Variants in PLAG1 observed in about 807,000 individuals in gnomAD.
PLAG1 encodes PLAG1 zinc finger.
A neutral mutation model predicts 35.5 loss-of-function variants in PLAG1; 7 were observed. The ratio of observed to expected loss-of-function variants is 0.20; its 90% confidence interval spans 0.11 to 0.37. The LOEUF (loss-of-function observed/expected upper bound fraction) is 0.37. PLAG1 is among the 10% of genes least tolerant of loss of function. PLAG1 has a pLI of 1.00. For missense variants in PLAG1, 454 were observed against 602.8 expected, an observed-to-expected ratio of 0.75 and a Z score of 2.58; for synonymous variants, 229 against 225.4, an observed-to-expected ratio of 1.02 and a Z score of -0.14.
At chr8:56,198,702 G>A (rs962897834) in intron 1 of PLAG1, among the ~76,000 whole-genome samples, 2 of 152,080 alleles carry the variant, frequency 1.3e-5, no homozygotes, top group Non-Finnish European at 2.9e-5. Flanking sequence ...CATCATTCAG[G>A]CCTCTATACA....
In PLAG1 at chr8:56,163,219, T is replaced by TC. The variant is rs2129223392; in HGVS notation, c.*3023_*3024insG. 1 of 179,018 alleles carries TC rather than the reference T, an allele frequency of 5.6e-6. No individual in the cohort carries two copies. Among genetic ancestry groups the TC allele is most frequent in the East Asian group, 9.4e-5 (1 of 10,642 alleles). 11.1% of individuals were successfully genotyped at this position (179,018 alleles called of 1,614,324 possible). ...TATTTAATGTTAATCCCTTTTTTTTTTTTTTTTTTTTTTTTTTAACCAAGC... is the reference window on the plus strand; with the variant it reads ...TATTTAATGTTAATCCCTTTTTTTTTCTTTTTTTTTTTTTTTTTAACCAAGC... On this transcript the variant is annotated 3_prime_UTR_variant, in exon 5 of 5. Coordinates refer to ENST00000316981, the MANE Select transcript of PLAG1 (RefSeq NM_002655.3).
chr8:56,198,103 T>C (rs1195973230), intron 1 of PLAG1, among the ~76,000 whole-genome samples: 1 of 152,180 alleles, frequency 6.6e-6, no homozygotes, highest in Non-Finnish European at 1.5e-5. Context: ...GGGCTTCCTC[T>C]AGCTTCCCTT....
rs559210549 is a variant in PLAG1, at chr8:56,167,847, A to G, written c.242+181T>C. Among the ~76,000 whole-genome samples the G allele has an allele frequency of 2.1e-4, 32 of 152,372 alleles. No homozygotes were observed. The highest frequency in any genetic ancestry group is 7.5e-4 in the African/African-American group (31 of 41,594). On this transcript the variant is annotated intron_variant, in intron 4 of 4. Coordinates refer to ENST00000316981, the MANE Select transcript of PLAG1 (RefSeq NM_002655.3). This position sits in a 1 kb window ranked among gnomAD's most constrained non-coding sequence, Gnocchi z 5.9. ...GCATTTTATTTTAAAAAGTCCAAAGACACTAACACATAAAAGTATGTGATT... is the reference window on the plus strand; with the variant it reads ...GCATTTTATTTTAAAAAGTCCAAAGGCACTAACACATAAAAGTATGTGATT...
intron 1 of PLAG1, among the ~76,000 whole-genome samples, chr8:56,198,059 T>C (rs1812436194): frequency 6.6e-6 from 1 of 152,190 alleles, no homozygotes; most frequent in Admixed American, 6.5e-5. Context: ...CTGGAATGGA[T>C]GGCCCGCATC....
At chr8:56,201,237 G>A (rs1470567267) in intron 1 of PLAG1, among the ~76,000 whole-genome samples, 1 of 152,134 alleles carries the variant, frequency 6.6e-6, no homozygotes, top group African/African-American at 2.4e-5. Flanking sequence ...ACCAAGCTAA[G>A]CAATATTTTC....
rs935582753 is a variant in PLAG1, at chr8:56,161,142, T to A, written c.*5101A>T. The A allele has an allele frequency of 5.3e-6, 1 of 190,206 alleles. No individual in the cohort carries two copies. Among genetic ancestry groups the A allele is most frequent in the African/African-American group, 2.3e-5 (1 of 42,872 alleles). 11.8% of individuals were successfully genotyped at this position (190,206 alleles called of 1,614,324 possible). A position where few individuals can be genotyped will look rare whatever the true frequency, so the allele number is the denominator to read the frequency against. ...TGTGATTGCTATTTTACAGAGCTTA[T>A]ACACACACAAAAAATATGATCTTTG... On this transcript the variant is annotated 3_prime_UTR_variant, in exon 5 of 5. Transcript: ENST00000316981.
chr8:56,162,812 T>G lies in PLAG1; in HGVS notation c.*3431A>C, dbSNP rs1396426667. 1 of 214,840 alleles carries G rather than the reference T, an allele frequency of 4.7e-6. No homozygotes were observed. Among genetic ancestry groups the G allele is most frequent in the Non-Finnish European group, 9.4e-6 (1 of 106,124 alleles). 13.3% of individuals were successfully genotyped at this position (214,840 alleles called of 1,614,324 possible). On this transcript the variant is annotated 3_prime_UTR_variant, in exon 5 of 5. Transcript: ENST00000316981. ...GTATATGGTTTTTAAAAACCGCTAC[T>G]GTCCAAATTAACACAATATATCACT... is the stretch of plus-strand genomic sequence containing the variant.
At position 56,161,814 on chromosome 8, in the gene PLAG1, T is replaced by C. The variant is rs2129222993; in HGVS notation, c.*4429A>G. 4.4e-6 allele frequency: 1 copy of C among 229,866 alleles called. No homozygotes were observed. Among genetic ancestry groups the C allele is most frequent in the East Asian group, 6.2e-5 (1 of 16,116 alleles). 14.2% of individuals were successfully genotyped at this position (229,866 alleles called of 1,614,324 possible). On this transcript the variant is annotated 3_prime_UTR_variant, in exon 5 of 5. Transcript: ENST00000316981. ...AAGTTACATTAGCAGCATGATCCAA[T>C]ATAATATTGAAGGAGTGTTTCTGAG... is the stretch of plus-strand genomic sequence containing the variant.
intron 1 of PLAG1, among the ~76,000 whole-genome samples, chr8:56,198,557 G>A (rs1812451100): frequency 6.6e-6 from 1 of 152,192 alleles, no homozygotes; most frequent in African/African-American, 2.4e-5. Context: ...GACGTTACAA[G>A]ACAGTCCAGC....
In PLAG1 at chr8:56,197,855, G is replaced by A. The variant is rs550574732; in HGVS notation, c.-322+13266C>T. ...CAGGAGGTCTGTCTGTACTTGTTGCGCAGGGCTTAGCTATGGAGGGAGCAG... is the reference window on the plus strand; with the variant it reads ...CAGGAGGTCTGTCTGTACTTGTTGCACAGGGCTTAGCTATGGAGGGAGCAG... On this transcript the variant is annotated intron_variant, in intron 1 of 4. Coordinates refer to ENST00000316981, the MANE Select transcript of PLAG1 (RefSeq NM_002655.3). 7.2e-5 allele frequency among the ~76,000 whole-genome samples: 11 copies of A among 152,292 alleles called. No homozygotes were observed. In the South Asian group the frequency reaches 1.7e-3, roughly 23 times the overall value.
chr8:56,208,275 C>T (rs1187505071), intron 1 of PLAG1, among the ~76,000 whole-genome samples: 1 of 152,130 alleles, frequency 6.6e-6, no homozygotes, highest in East Asian at 1.9e-4. Flanking sequence ...TCTGAAACCT[C>T]TGGACAGAAG....
Position 56,161,948 on chromosome 8 carries a change from G to A in PLAG1, c.*4295C>T, listed in dbSNP as rs1811213374. ...ATTTCTAGGCTAGATAACATCAAAA[G>A]ACACTGCCTTCCATCCTCAGAGGGT... On this transcript the variant is annotated 3_prime_UTR_variant, in exon 5 of 5. Coordinates refer to ENST00000316981, the MANE Select transcript of PLAG1 (RefSeq NM_002655.3). The A allele has an allele frequency of 2.6e-5, 6 of 227,674 alleles. No individual in the cohort carries two copies. Among genetic ancestry groups the A allele is most frequent in the Non-Finnish European group, 4.4e-5 (5 of 114,124 alleles). 14.1% of individuals were successfully genotyped at this position (227,674 alleles called of 1,614,324 possible).
chr8:56,195,911 C>T (rs1447070864), intron 1 of PLAG1, among the ~76,000 whole-genome samples: 1 of 152,144 alleles, frequency 6.6e-6, no homozygotes, highest in Non-Finnish European at 1.5e-5. Context: ...CTCCCAAGTG[C>T]CTGCTGTGTG....
chr8:56,204,831 C>G (rs1454952342), intron 1 of PLAG1, among the ~76,000 whole-genome samples: 1 of 151,842 alleles, frequency 6.6e-6, no homozygotes, highest in Non-Finnish European at 1.5e-5. Flanking sequence ...GTTCAAGACT[C>G]TCTAATGGCA....
intron 1 of PLAG1, chr8:56,209,580 T>C (rs952221133): frequency 6.6e-6 from 1 of 152,310 alleles, no homozygotes; most frequent in African/African-American, 2.4e-5. Flanking sequence ...TCAGCAGCAC[T>C]TTCCCATTAA....
chr8:56,206,664 A>T (rs1396489752), intron 1 of PLAG1, among the ~76,000 whole-genome samples: 1 of 152,012 alleles, frequency 6.6e-6, no homozygotes, highest in Non-Finnish European at 1.5e-5. Context: ...ATACTTTTCC[A>T]TGACTACCTA....
At chr8:56,196,600 C>T (rs938082240) in intron 1 of PLAG1, among the ~76,000 whole-genome samples, 2 of 151,978 alleles carry the variant, frequency 1.3e-5, no homozygotes, top group Non-Finnish European at 2.9e-5. Context: ...GGTGGCACCG[C>T]GAGCGTTTCC....
chr8:56,198,619 T>C (rs1294715750), intron 1 of PLAG1, among the ~76,000 whole-genome samples: 1 of 152,204 alleles, frequency 6.6e-6, no homozygotes, highest in East Asian at 1.9e-4. Context: ...CTCCAGCACG[T>C]AGAGCTCCTC....
chr8:56,209,950 C>A (rs1252003769), intron 1 of PLAG1, among the ~76,000 whole-genome samples: 1 of 152,054 alleles, frequency 6.6e-6, no homozygotes, highest in Admixed American at 6.5e-5. Flanking sequence ...CCAAAAAAAC[C>A]CCGCAAAGAT....
Sources: allele counts gnomAD v4.1 joint callset (sites outside exome capture counted in the v4.1 genomes callset), GRCh38; gene constraint gnomAD v4.1.1; non-coding constraint Gnocchi (gnomAD v3.1); transcripts MANE v1.5; gene names NCBI Gene and HGNC (gene_info 2026-07-23, HGNC 2026-07-21).